BTN2A1: variants seen among roughly 807,000 people sequenced by gnomAD.
BTN2A1 encodes the protein butyrophilin subfamily 2 member A1, also known as butyrophilin, subfamily 2, member A1.
Under a neutral mutation model 34.5 loss-of-function variants are expected in BTN2A1, and 41 were observed. The observed-to-expected ratio is 1.19, with a 90% CI of 0.93 to 1.54. The LOEUF (loss-of-function observed/expected upper bound fraction) is 1.54. Ranked by LOEUF, BTN2A1 falls within the 40% of genes most tolerant of loss-of-function variation. BTN2A1 has a pLI of 0.00. For synonymous variants in BTN2A1, 267 were observed against 258.6 expected, an observed-to-expected ratio of 1.03 and a Z score of -0.31; for missense variants, 642 against 662.0, an observed-to-expected ratio of 0.97 and a Z score of 0.33.
In BTN2A1 at chr6:26,459,762, A is replaced by AC. The variant is rs1763111097; in HGVS notation, c.366dup (p.Tyr123LeufsTer13). 6.2e-7 allele frequency: 1 copy of AC among 1,614,102 alleles called. No homozygotes were observed. Among genetic ancestry groups the AC allele is most frequent in the Non-Finnish European group, 8.5e-7 (1 of 1,180,004 alleles). Reference sequence around the variant, plus strand: ...CAACATCACAGCCCAGGAAAACGGCACCTACCGCTGTTACTTCCAAGAAGG... The same window carrying AC: ...CAACATCACAGCCCAGGAAAACGGCACCCTACCGCTGTTACTTCCAAGAAGG... On this transcript the variant is annotated frameshift_variant, in exon 3 of 8. Coordinates refer to ENST00000312541, the MANE Select transcript of BTN2A1 (RefSeq NM_007049.5). LOFTEE classifies it high-confidence loss of function.
At chr6:26,459,945 C>CAGGGAGATTCCACAGGGACAG in intron 3 of BTN2A1, 117 bp downstream of exon 3, 1 of 887,086 alleles carries the variant, frequency 1.1e-6, no homozygotes, top group Admixed American at 2.9e-5. Flanking sequence ...CCCTTTTCCA[C>CAGGGAGATTCCACAGGGACAG]TCTCCCTGTG....
chr6:26,464,073 A>C (rs913189291), intron 4 of BTN2A1, among the ~76,000 whole-genome samples: 2 of 152,210 alleles, frequency 1.3e-5, no homozygotes, highest in African/African-American at 4.8e-5. Flanking sequence ...AAGTGCTAGG[A>C]TTACAGGCGT....
chr6:26,466,321 G>A (rs565707219), intron 7 of BTN2A1, among the ~76,000 whole-genome samples: 2 of 152,310 alleles, frequency 1.3e-5, no homozygotes, highest in East Asian at 1.9e-4. Context: ...ATCTTTTGGA[G>A]TAATTTAATG....
At chr6:26,463,858 G>A (rs549592485) in intron 4 of BTN2A1, among the ~76,000 whole-genome samples, 21 of 152,130 alleles carry the variant, frequency 1.4e-4, no homozygotes, top group Admixed American at 6.5e-4. Context: ...CTAGCATGCA[G>A]TGGCACAATC....
At chr6:26,475,323 C>A (rs1182062223) in intron 7 of BTN2A1, among the ~76,000 whole-genome samples, 1 of 152,170 alleles carries the variant, frequency 6.6e-6, no homozygotes, top group East Asian at 1.9e-4. Flanking sequence ...ATCTTTTGAT[C>A]TTTATTCCTC....
intron 2 of BTN2A1, 82 bp from the exon 3 acceptor site, chr6:26,459,399 T>C: frequency 6.8e-7 from 1 of 1,468,168 alleles, no homozygotes; most frequent in Non-Finnish European, 9.3e-7. Flanking sequence ...AATAAGTTTG[T>C]CCCTAGAATA....
Position 26,459,631 on chromosome 6 carries a change from A to C in BTN2A1, c.233A>C (p.Tyr78Ser). The C allele has an allele frequency of 5.6e-6, 9 of 1,614,118 alleles. No homozygotes were observed. Among genetic ancestry groups the C allele is most frequent in the Non-Finnish European group, 7.6e-6 (9 of 1,180,002 alleles). ...CAGTTCTCCCCCGCAGTGTTTGTGT[A>C]TAAAGGTGGCAGAGAGAGAACAGAG... Reference protein sequence around the residue: ...RSQFSPAVFVYKGGRERTEEQ... With the variant: ...RSQFSPAVFVSKGGRERTEEQ... The change falls in exon 3 of 8, where the codon TAT (tyrosine) becomes TCT (serine). Residue 78 changes from tyrosine (Y) to serine (S), a missense_variant. By Grantham distance (144) the Tyr-to-Ser change is moderately radical. Coordinates refer to ENST00000312541, the MANE Select transcript of BTN2A1 (RefSeq NM_007049.5).
chr6:26,466,163 T>A (rs1048947348), intron 7 of BTN2A1, 75 bp downstream of exon 7: 2 of 1,610,826 alleles, frequency 1.2e-6, no homozygotes, highest in African/African-American at 2.7e-5. Context: ...TTAGAGGAGA[T>A]GAGCAAGGGG....
downstream of BTN2A1, among the ~76,000 whole-genome samples, chr6:26,473,733 GA>G (rs1763489357): frequency 6.6e-6 from 1 of 152,110 alleles, no homozygotes; most frequent in East Asian, 1.9e-4. Flanking sequence ...TGATATAAAA[GA>G]CAGCTGAATG....
intron 3 of BTN2A1, 31 bp from the exon 4 acceptor site, chr6:26,463,213 C>G: frequency 6.5e-7 from 1 of 1,541,916 alleles, no homozygotes; most frequent in African/African-American, 1.4e-5. Context: ...AAGGCACTGA[C>G]TTTTGCCTGA....
At chr6:26,474,396 G>T (rs1763503654), downstream of BTN2A1, among the ~76,000 whole-genome samples, 1 of 152,034 alleles carries the variant, frequency 6.6e-6, no homozygotes, top group African/African-American at 2.4e-5. Flanking sequence ...TCGTTCTGAT[G>T]GTTTGCAAAT....
Position 26,469,185 on chromosome 6 carries a change from G to A in BTN2A1, c.*636G>A, listed in dbSNP as rs954839481. On this transcript the variant is annotated 3_prime_UTR_variant, in exon 8 of 8. Transcript: ENST00000312541. Reference sequence around the variant, plus strand: ...ATGAAGATGAATGAAGAACATGGATGCACGTGGATGTAGTTTGGCTCAGGT... The same window carrying A: ...ATGAAGATGAATGAAGAACATGGATACACGTGGATGTAGTTTGGCTCAGGT... 1.4e-5 allele frequency: 15 copies of A among 1,051,208 alleles called. No individual in the cohort carries two copies. Among genetic ancestry groups the A allele is most frequent in the Non-Finnish European group, 1.6e-5 (14 of 869,474 alleles). 65.1% of individuals were successfully genotyped at this position (1,051,208 alleles called of 1,614,324 possible). A position where few individuals can be genotyped will look rare whatever the true frequency, so the allele number is the denominator to read the frequency against.
chr6:26,470,840 TTGAC>T (rs1166251862), downstream of BTN2A1, among the ~76,000 whole-genome samples: 6 of 152,176 alleles, frequency 3.9e-5, no homozygotes, highest in African/African-American at 1.4e-4. Context: ...CTGTCACACT[TTGAC>T]TGAGCCATGC....
intron 3 of BTN2A1, among the ~76,000 whole-genome samples, chr6:26,461,079 C>T (rs1399285233): frequency 1.3e-5 from 2 of 152,188 alleles, no homozygotes; most frequent in African/African-American, 4.8e-5. Flanking sequence ...GAGACCCCAT[C>T]TTTGCTACAC....
At chr6:26,476,240 GA>G in exon 8 of BTN2A1, 1 of 1,440,364 alleles carries the variant, frequency 6.9e-7, no homozygotes, top group Non-Finnish European at 9.4e-7. Context: ...AGATGCAAAT[GA>G]CCAGAGCACT....
exon 8 of BTN2A1, chr6:26,476,444 G>A: frequency 3.1e-6 from 2 of 650,648 alleles, no homozygotes; most frequent in Non-Finnish European, 5.9e-6. Context: ...AGCTGCCCAA[G>A]CTGGTTTCAG....
At chr6:26,467,152 G>T (rs922283006) in intron 7 of BTN2A1, among the ~76,000 whole-genome samples, 1 of 152,212 alleles carries the variant, frequency 6.6e-6, no homozygotes, top group Non-Finnish European at 1.5e-5. Context: ...CCAATGAAGA[G>T]ACCCTTTATC....
chr6:26,473,880 A>G (rs1431146250), downstream of BTN2A1, among the ~76,000 whole-genome samples: 1 of 152,202 alleles, frequency 6.6e-6, no homozygotes, highest in Non-Finnish European at 1.5e-5. Flanking sequence ...TTCAGTTTTC[A>G]TTCTAACCGT....
At chr6:26,460,835 A>G (rs1763146111) in intron 3 of BTN2A1, among the ~76,000 whole-genome samples, 1 of 152,102 alleles carries the variant, frequency 6.6e-6, no homozygotes, top group South Asian at 2.1e-4. Context: ...GCTTGAACCC[A>G]GGAGGCAGAG....
Sources: gnomAD v4.1 joint callset for allele counts (sites outside exome capture counted in the v4.1 genomes callset) on GRCh38, gnomAD v4.1.1 for gene constraint, MANE v1.5 for transcripts, NCBI Gene and HGNC (gene_info 2026-07-23, HGNC 2026-07-21) for gene names.